The following SEZ6 variants were observed in gnomAD, a reference collection of about 807,000 sequenced individuals.
The protein encoded by SEZ6 is seizure related 6 homolog, also known as seizure protein 6 homolog.
SEZ6 carries 53 observed loss-of-function variants against 101.0 expected under a neutral mutation model. The observed-to-expected ratio is 0.52, with a 90% CI of 0.42 to 0.66. The LOEUF (loss-of-function observed/expected upper bound fraction) is 0.66, where lower values mean the gene tolerates loss of function less well. SEZ6 is among the 30% of genes least tolerant of loss of function. SEZ6 has a pLI of 0.00. For synonymous variants in SEZ6, 488 were observed against 512.2 expected, an observed-to-expected ratio of 0.95 and a Z score of 0.64; for missense variants, 1,102 against 1,289.4, an observed-to-expected ratio of 0.85 and a Z score of 2.23.
Position 28,979,796 on chromosome 17 carries a change from A to C in SEZ6, c.742T>G (p.Phe248Val). ...TCCAGAGAGCCCTCTGGGCCTGAGAAATTCCAGCTACAAGGGCCTGGGAGG... is the reference window on the plus strand; with the variant it reads ...TCCAGAGAGCCCTCTGGGCCTGAGACATTCCAGCTACAAGGGCCTGGGAGG... ...VQTPGPCSWNFSGPEGSLDSP... is the reference protein window; with the variant it reads ...VQTPGPCSWNVSGPEGSLDSP... The change falls in exon 3 of 17, where the codon TTC becomes GTC. Residue 248 changes from phenylalanine to valine, a missense_variant. Physicochemically the swap from Phe to Val is conservative, Grantham distance 50. Transcript: ENST00000317338. The C allele has an allele frequency of 3.1e-6, 5 of 1,610,860 alleles. No individual in the cohort carries two copies. Among genetic ancestry groups the C allele is most frequent in the Middle Eastern group, 1.7e-4 (1 of 6,052 alleles).
At chr17:28,984,689 T>A (rs1216424939) in intron 1 of SEZ6, among the ~76,000 whole-genome samples, 1 of 152,204 alleles carries the variant, frequency 6.6e-6, no homozygotes, top group Non-Finnish European at 1.5e-5. Flanking sequence ...CCACCCACTG[T>A]CATAGAGGGT....
chr17:28,973,806 T>C (rs2041185420), intron 3 of SEZ6, among the ~76,000 whole-genome samples: 1 of 152,086 alleles, frequency 6.6e-6, no homozygotes, highest in Admixed American at 6.5e-5. Context: ...AAATGTCAGC[T>C]CTGTTCTTGA....
chr17:28,972,954 A>G (rs1567990530), intron 3 of SEZ6, among the ~76,000 whole-genome samples: 1 of 152,360 alleles, frequency 6.6e-6, no homozygotes, highest in East Asian at 1.9e-4. Context: ...AAGCAAAGGC[A>G]GAGAAGTATT....
chr17:28,993,334 A>G (rs2041491708), intron 1 of SEZ6, among the ~76,000 whole-genome samples: 1 of 151,986 alleles, frequency 6.6e-6, no homozygotes, highest in Non-Finnish European at 1.5e-5. Context: ...TAGGAGGCAG[A>G]GAATGAGGAG....
At chr17:28,990,491 C>G (rs2152691397) in intron 1 of SEZ6, among the ~76,000 whole-genome samples, 1 of 152,230 alleles carries the variant, frequency 6.6e-6, no homozygotes, top group Admixed American at 6.5e-5. Flanking sequence ...TCTAGAACTC[C>G]TGAACTCAAG....
At chr17:28,998,098 G>A (rs1233946879) in intron 1 of SEZ6, among the ~76,000 whole-genome samples, 1 of 151,944 alleles carries the variant, frequency 6.6e-6, no homozygotes, top group Non-Finnish European at 1.5e-5. Context: ...GGGAAGGAGA[G>A]AGGAAGGGAG....
chr17:28,975,686 C>T (rs1487277878), intron 3 of SEZ6, among the ~76,000 whole-genome samples: 1 of 152,232 alleles, frequency 6.6e-6, no homozygotes, highest in Admixed American at 6.5e-5. Flanking sequence ...CAACTGACCC[C>T]CTACCCCATG....
At chr17:28,979,092 G>A (rs973049388) in intron 3 of SEZ6, among the ~76,000 whole-genome samples, 3 of 152,122 alleles carry the variant, frequency 2.0e-5, no homozygotes, top group Non-Finnish European at 4.4e-5. Context: ...GGAGGTTGAG[G>A]AGCCTGTGGG....
intron 10 of SEZ6, 77 bp downstream of exon 10, chr17:28,958,948 G>A: frequency 6.9e-7 from 1 of 1,454,670 alleles, no homozygotes; most frequent in Admixed American, 2.3e-5. Flanking sequence ...ACAGCATTCA[G>A]GCACCTCACT....
chr17:28,974,167 T>C (rs2041190062), intron 3 of SEZ6, among the ~76,000 whole-genome samples: 1 of 152,184 alleles, frequency 6.6e-6, no homozygotes, highest in South Asian at 2.1e-4. Flanking sequence ...TTTGTACTCA[T>C]TTGCACCAGT....
chr17:28,956,856 T>A, intron 13 of SEZ6, 99 bp from the exon 14 acceptor site: 1 of 1,469,738 alleles, frequency 6.8e-7, no homozygotes, highest in Non-Finnish European at 9.3e-7. Context: ...GGGAAGGATT[T>A]GTCCAAGGAG....
chr17:28,967,146 T>A (rs548574180), intron 4 of SEZ6, among the ~76,000 whole-genome samples: 1 of 152,218 alleles, frequency 6.6e-6, no homozygotes. Flanking sequence ...CCTGAACAAA[T>A]GCCTAAGACA....
In SEZ6 at chr17:28,957,485, C is replaced by T. The variant is rs201390120; in HGVS notation, c.2357G>A (p.Ser786Asn). The T allele has an allele frequency of 1.1e-5, 18 of 1,613,784 alleles. No homozygotes were observed. Among genetic ancestry groups the T allele is most frequent in the Non-Finnish European group, 1.4e-5 (17 of 1,179,866 alleles). The part of the protein sequence containing the change: ...DVEHSRRLIS[S>N]PKFPVGATVQ... Reference sequence around the variant, plus strand: ...GGTGGCCCCCACGGGAAACTTGGGGCTGGATATGAGGCGTCGGCTGTGCTC... The same window carrying T: ...GGTGGCCCCCACGGGAAACTTGGGGTTGGATATGAGGCGTCGGCTGTGCTC... Residue 786 changes from serine to asparagine, a missense_variant, in exon 12 of 17, where the codon AGC becomes AAC. By Grantham distance (46) the Ser-to-Asn change is conservative. Around this residue, in one of 3 missense-constraint regions of SEZ6, gnomAD observed 556 missense variants for 735.1 expected, o/e 0.76. Coordinates refer to ENST00000317338, the MANE Select transcript of SEZ6 (RefSeq NM_178860.5).
intron 1 of SEZ6, among the ~76,000 whole-genome samples, chr17:28,998,377 G>A (rs140191093): frequency 1.1e-3 from 173 of 151,886 alleles, no homozygotes; most frequent in Admixed American, 8.5e-3. Context: ...GAGATGCCAA[G>A]GTTGATGCCA....
At chr17:28,973,367 T>C (rs2041179848) in intron 3 of SEZ6, among the ~76,000 whole-genome samples, 1 of 152,220 alleles carries the variant, frequency 6.6e-6, no homozygotes, top group Non-Finnish European at 1.5e-5. Flanking sequence ...AGGTGGGTCT[T>C]GGCTTGGCCT....
intron 1 of SEZ6, among the ~76,000 whole-genome samples, chr17:28,988,418 G>A (rs926111680): frequency 3.9e-5 from 6 of 152,182 alleles, no homozygotes; most frequent in South Asian, 2.1e-4. Context: ...TCCAAGCCCC[G>A]ATTCTGCCTC....
At chr17:28,997,396 C>T (rs543010435) in intron 1 of SEZ6, among the ~76,000 whole-genome samples, 1 of 152,322 alleles carries the variant, frequency 6.6e-6, no homozygotes, top group East Asian at 1.9e-4. Context: ...TTCAAATCAC[C>T]AGCATATCTC....
At chr17:28,978,341 C>A (rs1480686636) in intron 3 of SEZ6, among the ~76,000 whole-genome samples, 1 of 152,254 alleles carries the variant, frequency 6.6e-6, no homozygotes. Context: ...GCATGGAGTA[C>A]CCATTCTGGG....
chr17:28,974,795 A>C lies in SEZ6; in HGVS notation c.859-4843T>G, dbSNP rs1483831698. The stretch of plus-strand genomic sequence containing the variant: ...CTGACTGGGAAAGGGCATCTGGGGC[A>C]GATCCTGACAGGTACCGGTCTCCGC... On this transcript the variant is annotated intron_variant, in intron 3 of 16. Transcript: ENST00000317338. 2.6e-5 allele frequency among the ~76,000 whole-genome samples: 4 copies of C among 152,334 alleles called. No individual in the cohort carries two copies. In the East Asian group the frequency reaches 7.7e-4, roughly 29 times the overall value.
Sources: allele counts gnomAD v4.1 joint callset (sites outside exome capture counted in the v4.1 genomes callset), GRCh38; gene constraint gnomAD v4.1.1; regional missense constraint gnomAD v4.1.1; transcripts MANE v1.5; gene names NCBI Gene and HGNC (gene_info 2026-07-23, HGNC 2026-07-21).